Variants in MIPEP observed in about 807,000 individuals in gnomAD.
MIPEP encodes mitochondrial intermediate peptidase.
Under a neutral mutation model 90.3 loss-of-function variants are expected in MIPEP, and 79 were observed. The ratio of observed to expected loss-of-function variants is 0.87; its 90% CI spans 0.73 to 1.05. The LOEUF is 1.05. MIPEP is among the 50% of genes least tolerant of loss of function. MIPEP has a pLI of 0.00. For synonymous variants in MIPEP, 334 were observed against 315.8 expected, an observed-to-expected ratio of 1.06 and a Z score of -0.61; for missense variants, 940 against 905.6, an observed-to-expected ratio of 1.04 and a Z score of -0.49.
At chr13:23,745,362 T>C (rs2138495069) in intron 18 of MIPEP, among the ~76,000 whole-genome samples, 1 of 152,336 alleles carries the variant, frequency 6.6e-6, no homozygotes, top group South Asian at 2.1e-4. Flanking sequence ...CACCAGAAGA[T>C]GTCTTGTAAA....
intron 18 of MIPEP, among the ~76,000 whole-genome samples, chr13:23,735,904 AAAAAAAAAC>A (rs1048892875): frequency 1.6e-5 from 2 of 122,000 alleles, no homozygotes; most frequent in African/African-American, 5.9e-5. Flanking sequence ...AGAAAATTTA[AAAAAAAAAC>A]AAAAAAAACA....
intron 18 of MIPEP, among the ~76,000 whole-genome samples, chr13:23,741,871 C>T (rs1465002687): frequency 6.6e-6 from 1 of 151,966 alleles, no homozygotes. Context: ...TCTTACATTT[C>T]AGCCACAGCA....
At chr13:23,852,603 G>A (rs966388984) in intron 10 of MIPEP, among the ~76,000 whole-genome samples, 10 of 152,156 alleles carry the variant, frequency 6.6e-5, no homozygotes, top group African/African-American at 2.4e-4. Flanking sequence ...CTACTGTGCC[G>A]CCAGTCATAT....
intron 16 of MIPEP, among the ~76,000 whole-genome samples, chr13:23,796,818 G>GT (rs906195056): frequency 4.1e-4 from 62 of 152,276 alleles, no homozygotes; most frequent in African/African-American, 1.4e-3. Context: ...CATAATCATG[G>GT]TAACAGCAGT....
At chr13:23,841,595 G>T in intron 10 of MIPEP, 107 bp from the exon 11 acceptor site, 1 of 1,220,134 alleles carries the variant, frequency 8.2e-7, no homozygotes, top group Non-Finnish European at 1.1e-6. Flanking sequence ...AGCTAAAGAA[G>T]GATTCAAAAC....
intron 16 of MIPEP, among the ~76,000 whole-genome samples, chr13:23,763,392 A>G (rs1952567034): frequency 6.6e-6 from 1 of 152,240 alleles, no homozygotes; most frequent in Admixed American, 6.5e-5. Flanking sequence ...CGGAATTTGT[A>G]GCATACAGTT....
chr13:23,787,525 T>G (rs911097862), intron 16 of MIPEP, among the ~76,000 whole-genome samples: 1 of 152,162 alleles, frequency 6.6e-6, no homozygotes, highest in Non-Finnish European at 1.5e-5. Flanking sequence ...CTTCATATCC[T>G]AAAGATCTCC....
In MIPEP at chr13:23,814,471, C is replaced by T. The variant is rs554158793; in HGVS notation, c.1654-4547G>A. 1.6e-3 allele frequency among the ~76,000 whole-genome samples: 244 copies of T among 151,974 alleles called. 3 individuals are homozygous for T. Among genetic ancestry groups the T allele is most frequent in the Middle Eastern group, 6.8e-3 (2 of 292 alleles). On this transcript the variant is annotated intron_variant, in intron 14 of 18. Transcript: ENST00000382172. ...AGAGACGGGGTTTCACTGTATTAAC[C>T]AGGATGGTCTCGATCTCCTGACCTT... is the stretch of plus-strand genomic sequence containing the variant.
intron 17 of MIPEP, among the ~76,000 whole-genome samples, chr13:23,759,785 A>G (rs556504751): frequency 5.9e-5 from 9 of 152,296 alleles, no homozygotes; most frequent in East Asian, 3.9e-4. Flanking sequence ...GAAAACCCAC[A>G]GGAGCAGCAG....
chr13:23,810,679 T>C (rs923107984), intron 14 of MIPEP, among the ~76,000 whole-genome samples: 7 of 152,218 alleles, frequency 4.6e-5, no homozygotes, highest in Admixed American at 2.6e-4. Context: ...ACACATTATA[T>C]AAAGACCAAT....
intron 18 of MIPEP, among the ~76,000 whole-genome samples, chr13:23,739,283 C>G (rs920592344): frequency 2.0e-5 from 3 of 152,158 alleles, no homozygotes; most frequent in African/African-American, 7.2e-5. Context: ...TGTGTGGAAG[C>G]TGGGGCTCTG....
intron 16 of MIPEP, among the ~76,000 whole-genome samples, chr13:23,803,552 A>C (rs561944860): frequency 1.3e-5 from 2 of 152,336 alleles, no homozygotes; most frequent in Admixed American, 1.3e-4. Flanking sequence ...CACTTTAAAA[A>C]ATTGTTCCTT....
chr13:23,843,118 A>AAT (rs1252338404), intron 10 of MIPEP, among the ~76,000 whole-genome samples: 1 of 151,628 alleles, frequency 6.6e-6, no homozygotes, highest in African/African-American at 2.4e-5. Context: ...AAAAAAAAAA[A>AAT]AGGAATCAGA....
Position 23,742,621 on chromosome 13 carries a change from C to A in MIPEP, c.2045-12176G>T, listed in dbSNP as rs192133154. ...GAGGAGGTTGCTTACTATTTTTGCACAAGTTCAATTCCAAAACATTGATCT... is the reference window on the plus strand; with the variant it reads ...GAGGAGGTTGCTTACTATTTTTGCAAAAGTTCAATTCCAAAACATTGATCT... On this transcript the variant is annotated intron_variant, in intron 18 of 18. Transcript: ENST00000382172. 6.6e-5 allele frequency among the ~76,000 whole-genome samples: 10 copies of A among 152,328 alleles called. No homozygotes were observed. In the East Asian group the frequency reaches 1.9e-3, roughly 29 times the overall value.
At chr13:23,791,104 C>T (rs1248517209) in intron 16 of MIPEP, among the ~76,000 whole-genome samples, 1 of 152,202 alleles carries the variant, frequency 6.6e-6, no homozygotes, top group Non-Finnish European at 1.5e-5. Flanking sequence ...AGAGCTCCCT[C>T]ATGTGCTCAC....
At chr13:23,768,840 G>A (rs146052228) in intron 16 of MIPEP, among the ~76,000 whole-genome samples, 5 of 152,212 alleles carry the variant, frequency 3.3e-5, no homozygotes, top group East Asian at 3.9e-4. Flanking sequence ...TGCTAACCTC[G>A]ACTGTTAATG....
chr13:23,856,875 C>T (rs1189050899), intron 10 of MIPEP, among the ~76,000 whole-genome samples: 3 of 151,294 alleles, frequency 2.0e-5, no homozygotes, highest in Non-Finnish European at 4.4e-5. Context: ...AATCAGGTAT[C>T]GGGGACATGA....
chr13:23,824,529 C>T (rs577029134), intron 14 of MIPEP, among the ~76,000 whole-genome samples: 5 of 152,312 alleles, frequency 3.3e-5, no homozygotes, highest in African/African-American at 4.8e-5. Context: ...AATACTTCAG[C>T]GGCATAAAGC....
chr13:23,802,582 A>C (rs1015893751), intron 16 of MIPEP, among the ~76,000 whole-genome samples: 1 of 152,182 alleles, frequency 6.6e-6, no homozygotes, highest in Non-Finnish European at 1.5e-5. Flanking sequence ...CAGGGGGGGA[A>C]GTCAGTTTTA....
Sources: allele counts gnomAD v4.1 joint callset (sites outside exome capture counted in the v4.1 genomes callset), GRCh38; gene constraint gnomAD v4.1.1; transcripts MANE v1.5; gene names NCBI Gene and HGNC (gene_info 2026-07-23, HGNC 2026-07-21).